The following CCDC180 variants were observed in gnomAD, a reference collection of about 807,000 sequenced individuals.
The protein encoded by CCDC180 is coiled-coil domain-containing protein 180.
In CCDC180, 154 loss-of-function variants were observed where a neutral mutation model predicts 209.2. That is an observed-to-expected ratio of 0.74 (90% confidence interval 0.65 to 0.84). The LOEUF is 0.84. Ranked by LOEUF, CCDC180 falls within the 40% of genes least tolerant of loss-of-function variation. The pLI, the probability that CCDC180 is intolerant of heterozygous loss-of-function variation, is 0.00. For synonymous variants in CCDC180, 778 were observed against 749.1 expected (o/e 1.04, Z -0.63); for missense variants, 1,874 against 1,997.3 (o/e 0.94, Z 1.18).
At chr9:97,369,249 A>G (rs1441178121) in intron 31 of CCDC180, 1 of 152,224 alleles carries the variant, frequency 6.6e-6, no homozygotes, top group African/African-American at 2.4e-5. Context: ...CAGGTCTAAC[A>G]TACGGCCATT....
chr9:97,364,129 G>T lies in CCDC180; in HGVS notation c.3980+1G>T. 6.2e-7 allele frequency: 1 copy of T among 1,614,016 alleles called. No individual in the cohort carries two copies. Among genetic ancestry groups the T allele is most frequent in the Non-Finnish European group, 8.5e-7 (1 of 1,179,968 alleles). ...GGGACAAGCCTCCCCCTGCTGCCGA[G>T]TGAGTAACAACGCCTTTCCTTTTGA... is the stretch of plus-strand genomic sequence containing the variant. On this transcript the variant is annotated splice_donor_variant, in intron 29 of 36. Coordinates refer to ENST00000529487, the MANE Select transcript of CCDC180 (RefSeq NM_020893.6). LOFTEE classifies it high-confidence loss of function.
At chr9:97,327,972 G>C in intron 15 of CCDC180, 48 bp from the exon 16 acceptor site, 1 of 1,586,512 alleles carries the variant, frequency 6.3e-7, no homozygotes, top group Non-Finnish European at 8.6e-7. Flanking sequence ...TGGGGTCAGG[G>C]GTGTGGTTCC....
upstream of CCDC180, chr9:97,307,345 C>A: frequency 2.1e-6 from 1 of 479,292 alleles, no homozygotes; most frequent in Admixed American, 2.3e-5. Flanking sequence ...GCAGTTGTCG[C>A]TGGACCGGCC....
At chr9:97,307,890 G>A (rs1306434325) in intron 1 of CCDC180, 84 bp downstream of exon 1, 33 of 1,593,972 alleles carry the variant, frequency 2.1e-5, no homozygotes, top group Non-Finnish European at 2.7e-5. Flanking sequence ...GTCCTTCCCC[G>A]GGGAGTCCTG....
chr9:97,324,398 T>C (rs758941264), intron 13 of CCDC180, among the ~76,000 whole-genome samples: 1 of 152,282 alleles, frequency 6.6e-6, no homozygotes, highest in South Asian at 2.1e-4. Context: ...GACACTGAAA[T>C]TGGAATTGTA....
chr9:97,311,981 T>G, intron 3 of CCDC180, 132 bp from the exon 4 acceptor site: 1 of 733,002 alleles, frequency 1.4e-6, no homozygotes, highest in Non-Finnish European at 2.4e-6. Flanking sequence ...CTCTCTGGAA[T>G]TGGGGTGTGC....
At chr9:97,369,807 G>T in intron 31 of CCDC180, 115 bp from the exon 32 acceptor site, 2 of 1,154,606 alleles carry the variant, frequency 1.7e-6, no homozygotes, top group South Asian at 1.5e-5. Flanking sequence ...TTACCACGTT[G>T]GAGACCAAGA....
intron 18 of CCDC180, among the ~76,000 whole-genome samples, chr9:97,333,622 A>G (rs1311811307): frequency 2.1e-5 from 3 of 144,758 alleles, no homozygotes; most frequent in Non-Finnish European, 4.5e-5. Context: ...CTTGGGAGGT[A>G]TATGTGTTCA....
In CCDC180 at chr9:97,312,162, A is replaced by G; in HGVS notation, c.310A>G (p.Ile104Val). Reference protein sequence around the residue: ...REKARESENTIAAREVRGLMD... With the variant: ...REKARESENTVAAREVRGLMD... ...AAAAGCCCGAGAGAGTGAGAACACCATCGCTGCCCGAGAAGTGCGGGGTCT... is the reference window on the plus strand; with the variant it reads ...AAAAGCCCGAGAGAGTGAGAACACCGTCGCTGCCCGAGAAGTGCGGGGTCT... Residue 104 changes from isoleucine to valine, a missense_variant, in exon 4 of 37, where the codon ATC (isoleucine) becomes GTC (valine). By Grantham distance (29) the Ile-to-Val change is conservative. Transcript: ENST00000529487. 1 of 1,614,094 alleles carries G rather than the reference A, an allele frequency of 6.2e-7. No homozygotes were observed. The highest frequency in any genetic ancestry group is 8.5e-7 in the Non-Finnish European group (1 of 1,179,964).
intron 18 of CCDC180, among the ~76,000 whole-genome samples, chr9:97,332,601 C>T (rs1368393895): frequency 6.6e-6 from 1 of 152,094 alleles, no homozygotes; most frequent in Non-Finnish European, 1.5e-5. Context: ...TCCTGGTTAG[C>T]TGTATTCCTA....
chr9:97,356,212 T>G (rs1826580977), intron 24 of CCDC180, among the ~76,000 whole-genome samples: 1 of 152,056 alleles, frequency 6.6e-6, no homozygotes, highest in Non-Finnish European at 1.5e-5. Flanking sequence ...TCTGCATAGG[T>G]CAATGCCCAT....
At chr9:97,331,386 C>T (rs1172790521) in intron 18 of CCDC180, among the ~76,000 whole-genome samples, 1 of 152,138 alleles carries the variant, frequency 6.6e-6, no homozygotes, top group Non-Finnish European at 1.5e-5. Flanking sequence ...AATATATATG[C>T]ATGCATGTGT....
intron 21 of CCDC180, among the ~76,000 whole-genome samples, chr9:97,349,871 G>T (rs762406974): frequency 3.6e-4 from 55 of 152,236 alleles, no homozygotes; most frequent in African/African-American, 1.3e-3. Context: ...GAGGACACTC[G>T]CAGGGCACTC....
At chr9:97,339,977 C>T (rs111412547) in intron 18 of CCDC180, among the ~76,000 whole-genome samples, 4,145 of 152,246 alleles carry the variant, frequency 0.027, 188 homozygotes, top group African/African-American at 0.094. Context: ...GCATGCGTCA[C>T]GTAGTTCTTG....
rs1826912365 is a variant in CCDC180 at position 97,366,125 on chromosome 9, C to T, written c.4047+386C>T. 6.6e-6 allele frequency among the ~76,000 whole-genome samples: 1 copy of T among 152,176 alleles called. No individual in the cohort carries two copies. On this transcript the variant is annotated intron_variant, in intron 30 of 36. Coordinates refer to ENST00000529487, the MANE Select transcript of CCDC180 (RefSeq NM_020893.6). The surrounding 1 kb of genome is among the most constrained non-coding windows in gnomAD (Gnocchi z 4.3). ...TGCCCAGTGCCCTGTTCCCACATGCCCTGCACCGTAGTGCGAGTGCCTTCT... is the reference window on the plus strand; with the variant it reads ...TGCCCAGTGCCCTGTTCCCACATGCTCTGCACCGTAGTGCGAGTGCCTTCT...
Position 97,357,647 on chromosome 9 carries a change from A to T in CCDC180, c.3285A>T (p.Gln1095His). The T allele has an allele frequency of 6.2e-7, 1 of 1,613,330 alleles. No individual in the cohort carries two copies. The highest frequency in any genetic ancestry group is 8.5e-7 in the Non-Finnish European group (1 of 1,179,784). ...IKCQVAKSNS[Q>H]TNGLNFSLQQ... ...TCTAGGTGGCAAAATCCAATTCGCA[A>T]ACAAATGGATTAAATTTCTCTCTGC... is the stretch of plus-strand genomic sequence containing the variant. The change falls in exon 25 of 37, where the codon CAA (glutamine) becomes CAT (histidine). Residue 1095 changes from glutamine to histidine, a missense_variant. By Grantham distance (24) the Gln-to-His change is conservative. Coordinates refer to ENST00000529487, the MANE Select transcript of CCDC180 (RefSeq NM_020893.6).
chr9:97,325,193 G>A lies in CCDC180; in HGVS notation c.1545+1G>A, dbSNP rs1833491623. The A allele has an allele frequency of 1.3e-6, 2 of 1,589,438 alleles. No homozygotes were observed. The highest frequency in any genetic ancestry group is 1.7e-6 in the Non-Finnish European group (2 of 1,167,472). On this transcript the variant is annotated splice_donor_variant, in intron 14 of 36. Transcript: ENST00000529487. LOFTEE classifies it high-confidence loss of function. Reference sequence around the variant, plus strand: ...GCAGAAGCACAGCCTGGAGAGCCAGGTGAGACCCACACCCGGGGCTCCATG... The same window carrying A: ...GCAGAAGCACAGCCTGGAGAGCCAGATGAGACCCACACCCGGGGCTCCATG...
intron 22 of CCDC180, among the ~76,000 whole-genome samples, chr9:97,353,779 C>A (rs552058868): frequency 6.6e-6 from 1 of 152,230 alleles, no homozygotes; most frequent in East Asian, 1.9e-4. Context: ...TTCCTCTTTG[C>A]CCTTGGATCT....
chr9:97,314,471 C>G lies in CCDC180; in HGVS notation c.538C>G (p.Leu180Val). 6.2e-7 allele frequency: 1 copy of G among 1,614,138 alleles called. No individual in the cohort carries two copies. The highest frequency in any genetic ancestry group is 1.3e-5 in the African/African-American group (1 of 75,040). ...LTESDEEMNR[L>V]FLKVENDTNL... Reference sequence around the variant, plus strand: ...TGAGTCTGATGAAGAAATGAACCGTCTCTTCCTAAAGGTGGAAAATGACAC... The same window carrying G: ...TGAGTCTGATGAAGAAATGAACCGTGTCTTCCTAAAGGTGGAAAATGACAC... Residue 180 changes from leucine to valine, a missense_variant, in exon 6 of 37, where the codon CTC becomes GTC. Coordinates refer to ENST00000529487, the MANE Select transcript of CCDC180 (RefSeq NM_020893.6).
Sources: allele counts gnomAD v4.1 joint callset (sites outside exome capture counted in the v4.1 genomes callset), GRCh38; gene constraint gnomAD v4.1.1; non-coding constraint Gnocchi (gnomAD v3.1); transcripts MANE v1.5; gene names NCBI Gene and HGNC (gene_info 2026-07-23, HGNC 2026-07-21).